SHC3: variants seen among roughly 807,000 people sequenced by gnomAD.
The protein encoded by SHC3 is SHC-transforming protein 3.
SHC3 carries 15 observed loss-of-function variants against 60.4 expected under a neutral mutation model. That is an observed-to-expected ratio of 0.25 (90% CI 0.17 to 0.38). SHC3 has a LOEUF of 0.38. Ranked by LOEUF, SHC3 falls within the 10% of genes least tolerant of loss-of-function variation. The pLI, the probability that SHC3 is intolerant of heterozygous loss-of-function variation, is 1.00. For missense variants in SHC3, 677 were observed against 786.1 expected (o/e 0.86, Z 1.66); for synonymous variants, 294 against 325.9 (o/e 0.90, Z 1.05).
chr9:89,065,530 T>G lies in SHC3; in HGVS notation c.834A>C (p.Arg278Ser). ...AYVAKDPVNR[R>S]ACHILECCDG... ...TTAAAGGGGTCAAGCACCGCTTACC[T>G]CTGCGATTAACAGGGTCCTTAGCCA... The change falls in exon 6 of 12, where the codon AGA (arginine) becomes AGC (serine). Residue 278 changes from arginine (R) to serine (S), a missense_variant and splice_region_variant. Arg to Ser is a moderately radical substitution (Grantham distance 110, BLOSUM62 -1). Coordinates refer to ENST00000375835, the MANE Select transcript of SHC3 (RefSeq NM_016848.6). The G allele has an allele frequency of 1.2e-6, 2 of 1,614,164 alleles. No individual in the cohort carries two copies. Among genetic ancestry groups the G allele is most frequent in the Non-Finnish European group, 1.7e-6 (2 of 1,180,020 alleles).
At position 89,124,403 on chromosome 9, in the gene SHC3, G is replaced by A. The variant is rs544499579; in HGVS notation, c.475-11777C>T. The stretch of plus-strand genomic sequence containing the variant: ...CACATGCACAAGTATGTTTACTGCA[G>A]CACTATTTACAATAGCAAAGACTTG... On this transcript the variant is annotated intron_variant, in intron 1 of 11. Transcript: ENST00000375835. 2.6e-5 allele frequency among the ~76,000 whole-genome samples: 4 copies of A among 152,266 alleles called. No homozygotes were observed. The East Asian group carries it at 5.8e-4, about 22-fold the overall frequency.
At chr9:89,164,568 A>ACC (rs1826758807) in intron 1 of SHC3, among the ~76,000 whole-genome samples, 2 of 152,078 alleles carry the variant, frequency 1.3e-5, no homozygotes, top group Non-Finnish European at 2.9e-5. Flanking sequence ...AGGAATTTGG[A>ACC]TTGAATTCTG....
chr9:89,090,553 C>T (rs1045546499), intron 2 of SHC3, among the ~76,000 whole-genome samples: 14 of 152,142 alleles, frequency 9.2e-5, no homozygotes, highest in African/African-American at 3.4e-4. Context: ...GGGAGGCTTC[C>T]CCCAGGAGGT....
intron 1 of SHC3, among the ~76,000 whole-genome samples, chr9:89,139,839 C>T (rs1826367616): frequency 6.6e-6 from 1 of 152,176 alleles, no homozygotes; most frequent in African/African-American, 2.4e-5. Context: ...TTGAGCCTAG[C>T]TAGGGAGCAT....
intron 6 of SHC3, among the ~76,000 whole-genome samples, chr9:89,057,345 A>G (rs1431438424): frequency 6.9e-6 from 1 of 144,474 alleles, no homozygotes; most frequent in Non-Finnish European, 1.5e-5. Flanking sequence ...TAATCAGAGA[A>G]GAGTAAGAAA....
chr9:89,049,652 C>T (rs1220678984), intron 7 of SHC3, among the ~76,000 whole-genome samples: 1 of 152,220 alleles, frequency 6.6e-6, no homozygotes, highest in African/African-American at 2.4e-5. Context: ...AAAGCTACCT[C>T]CTTACGTATT....
chr9:89,021,755 A>G (rs1826204547), intron 11 of SHC3, among the ~76,000 whole-genome samples: 1 of 152,172 alleles, frequency 6.6e-6, no homozygotes. Flanking sequence ...ATGGAGGGCT[A>G]CTTCCGCATT....
chr9:89,027,463 C>T (rs1481765321), intron 11 of SHC3, among the ~76,000 whole-genome samples: 1 of 151,800 alleles, frequency 6.6e-6, no homozygotes, highest in Non-Finnish European at 1.5e-5. Context: ...ACTACAGGCA[C>T]CTGCCACCTC....
chr9:89,095,086 C>A (rs1825682387), intron 2 of SHC3, among the ~76,000 whole-genome samples: 1 of 152,186 alleles, frequency 6.6e-6, no homozygotes, highest in Non-Finnish European at 1.5e-5. Flanking sequence ...AACATATAAT[C>A]GCCATATGAT....
intron 8 of SHC3, 53 bp from the exon 9 acceptor site, chr9:89,045,886 AC>A: frequency 6.3e-7 from 1 of 1,578,060 alleles, no homozygotes; most frequent in Non-Finnish European, 8.7e-7. Flanking sequence ...TTCTCATTTC[AC>A]CACTTTTGAA....
At chr9:89,084,489 C>T (rs1407263482) in intron 2 of SHC3, among the ~76,000 whole-genome samples, 1 of 152,124 alleles carries the variant, frequency 6.6e-6, no homozygotes, top group Non-Finnish European at 1.5e-5. Flanking sequence ...AAGTAAAGCC[C>T]AACAGAGACA....
chr9:89,133,892 C>G (rs1481380413), intron 1 of SHC3, among the ~76,000 whole-genome samples: 1 of 152,050 alleles, frequency 6.6e-6, no homozygotes, highest in Non-Finnish European at 1.5e-5. Context: ...CACATGTACC[C>G]TAGAACTTAA....
At chr9:89,071,940 A>G (rs1275900369) in intron 4 of SHC3, among the ~76,000 whole-genome samples, 2 of 152,226 alleles carry the variant, frequency 1.3e-5, no homozygotes, top group Non-Finnish European at 2.9e-5. Context: ...TCAAGCCAGG[A>G]CACTCTCTTT....
At chr9:89,161,733 T>A (rs1453414785) in intron 1 of SHC3, among the ~76,000 whole-genome samples, 4 of 151,054 alleles carry the variant, frequency 2.6e-5, no homozygotes, top group Non-Finnish European at 5.9e-5. Flanking sequence ...TGTTGGAAGT[T>A]CAGGCCAGGG....
At chr9:89,100,081 TA>T (rs1825761000) in intron 2 of SHC3, among the ~76,000 whole-genome samples, 3 of 152,160 alleles carry the variant, frequency 2.0e-5, no homozygotes, top group African/African-American at 4.8e-5. Context: ...AAACGTTAAT[TA>T]AAAGCTCATG....
At chr9:89,080,405 A>G (rs1825425258) in intron 2 of SHC3, among the ~76,000 whole-genome samples, 1 of 152,058 alleles carries the variant, frequency 6.6e-6, no homozygotes, top group South Asian at 2.1e-4. Context: ...CCAGATGTGA[A>G]CCCTCATTGT....
At position 89,091,932 on chromosome 9, in the gene SHC3, T is replaced by TA. The variant is rs144021551; in HGVS notation, c.546-14030dup. ...TGATAAGAAAGTAAAGAGACTCCAA[T>TA]AAAAAAAATGGGTAAGTGAAGTGAA... On this transcript the variant is annotated intron_variant, in intron 2 of 11. Coordinates refer to ENST00000375835, the MANE Select transcript of SHC3 (RefSeq NM_016848.6). 4.6e-5 allele frequency among the ~76,000 whole-genome samples: 7 copies of TA among 151,860 alleles called. No individual in the cohort carries two copies. The East Asian group carries it at 5.8e-4, about 13-fold the overall frequency.
Position 89,100,585 on chromosome 9 carries a change from G to A in SHC3, c.545+11971C>T, listed in dbSNP as rs1825768693. The stretch of plus-strand genomic sequence containing the variant: ...GTAACTATCATCAAATCAAGAGATA[G>A]AATAGTTCTTTTATCCCCAAAAGGT... On this transcript the variant is annotated intron_variant, in intron 2 of 11. Coordinates refer to ENST00000375835, the MANE Select transcript of SHC3 (RefSeq NM_016848.6). 2.0e-5 allele frequency among the ~76,000 whole-genome samples: 3 copies of A among 152,120 alleles called. No homozygotes were observed. In the South Asian group the frequency reaches 6.2e-4, roughly 32 times the overall value.
intron 1 of SHC3, among the ~76,000 whole-genome samples, 157 bp from the exon 2 acceptor site, chr9:89,112,783 C>A (rs1825969023): frequency 6.6e-6 from 1 of 152,068 alleles, no homozygotes; most frequent in South Asian, 2.1e-4. Flanking sequence ...TCTATAAAAG[C>A]AATAACTCAC....
Sources: allele counts gnomAD v4.1 joint callset (sites outside exome capture counted in the v4.1 genomes callset), GRCh38; gene constraint gnomAD v4.1.1; transcripts MANE v1.5; gene names NCBI Gene and HGNC (gene_info 2026-07-23, HGNC 2026-07-21).